The following ADGRF5 variants were observed in gnomAD, a reference collection of about 807,000 sequenced individuals.
ADGRF5 encodes the protein adhesion G protein-coupled receptor F5.
Under a neutral mutation model 132.3 loss-of-function variants are expected in ADGRF5, and 75 were observed. The ratio of observed to expected loss-of-function variants is 0.57; its 90% confidence interval spans 0.47 to 0.69. The LOEUF (loss-of-function observed/expected upper bound fraction) is 0.69. ADGRF5 is among the 30% of genes least tolerant of loss of function. ADGRF5 has a pLI of 0.00. For synonymous variants in ADGRF5, 629 were observed against 597.6 expected (o/e 1.05, Z -0.77); for missense variants, 1,516 against 1,630.6 (o/e 0.93, Z 1.21).
At chr6:46,938,694 G>T (rs749404253) in intron 1 of ADGRF5, among the ~76,000 whole-genome samples, 1 of 152,028 alleles carries the variant, frequency 6.6e-6, no homozygotes, top group Non-Finnish European at 1.5e-5. Flanking sequence ...GAGTTCCCCC[G>T]CCTAGAGTCT....
At chr6:46,911,153 T>G (rs959379427) in intron 1 of ADGRF5, among the ~76,000 whole-genome samples, 1 of 152,226 alleles carries the variant, frequency 6.6e-6, no homozygotes. Flanking sequence ...TTTCCTGAAG[T>G]ACTCTTCACA....
chr6:46,877,306 T>TCCTTCC (rs369575219), intron 10 of ADGRF5, among the ~76,000 whole-genome samples: 958 of 76,974 alleles, frequency 0.012, 23 homozygotes, highest in Admixed American at 0.016. Context: ...TCTCTCTCTC[T>TCCTTCC]TTCCTTCCTT....
intron 1 of ADGRF5, among the ~76,000 whole-genome samples, chr6:46,907,650 C>G (rs919983436): frequency 6.6e-6 from 1 of 152,034 alleles, no homozygotes; most frequent in Non-Finnish European, 1.5e-5. Context: ...GTCTAGGGAC[C>G]AAGACAATCT....
In ADGRF5 at chr6:46,897,149, C is replaced by T. The variant is rs568228293; in HGVS notation, c.157+2880G>A. The stretch of plus-strand genomic sequence containing the variant: ...AGACATATGCATGCATATATATACA[C>T]ACACACACACACACACACACACACA... On this transcript the variant is annotated intron_variant, in intron 3 of 20. Transcript: ENST00000283296. Among the ~76,000 whole-genome samples, 1,389 of 144,540 alleles carry T rather than the reference C, an allele frequency of 9.6e-3. 11 individuals are homozygous for T. Among genetic ancestry groups the T allele is most frequent in the South Asian group, 0.031 (141 of 4,566 alleles). The allele number at this position is 144,540 out of a possible 152,430, so 94.8% of individuals were successfully genotyped here.
In ADGRF5 at chr6:46,867,150, C is replaced by T. The variant is rs187721473; in HGVS notation, c.1622-13G>A. 9.4e-4 allele frequency: 1,324 copies of T among 1,414,612 alleles called. 4 individuals are homozygous for T. The highest frequency in any genetic ancestry group is 5.9e-3 in the South Asian group (500 of 85,100). The allele number at this position is 1,414,612 out of a possible 1,614,324, so 87.6% of individuals were successfully genotyped here. A position where few individuals can be genotyped will look rare whatever the true frequency, so the allele number is the denominator to read the frequency against. On this transcript the variant is annotated splice_polypyrimidine_tract_variant and intron_variant, in intron 12 of 20. Transcript: ENST00000283296. ...CAGTGATAGGTTCCTGAGTAGAAGA[C>T]GGCAAAAATGAGATGGAATGGAAAT... is the stretch of plus-strand genomic sequence containing the variant.
rs756042175 is a variant in ADGRF5, at chr6:46,906,748, C to A, written c.15G>T (p.Arg5Ser). The change falls in exon 2 of 21, where the codon AGG becomes AGT. Residue 5 changes from arginine to serine, a missense_variant. Transcript: ENST00000283296. MKSP[R>S]RTTLCLMFIV... Reference sequence around the variant, plus strand: ...TAAACATGAGGCACAAAGTGGTTCTCCTTGGGGATTTCATGTCTTCAAGTT... The same window carrying A: ...TAAACATGAGGCACAAAGTGGTTCTACTTGGGGATTTCATGTCTTCAAGTT... The A allele has an allele frequency of 6.3e-7, 1 of 1,595,476 alleles. No homozygotes were observed. Among genetic ancestry groups the A allele is most frequent in the South Asian group, 1.1e-5 (1 of 90,652 alleles).
At chr6:46,911,878 A>T (rs549139913) in intron 1 of ADGRF5, among the ~76,000 whole-genome samples, 1 of 152,300 alleles carries the variant, frequency 6.6e-6, no homozygotes, top group Non-Finnish European at 1.5e-5. Context: ...GAACATTATT[A>T]AAGAATAAAT....
intron 20 of ADGRF5, among the ~76,000 whole-genome samples, chr6:46,854,272 G>A (rs1236367647): frequency 1.3e-5 from 2 of 152,152 alleles, no homozygotes; most frequent in East Asian, 1.9e-4. Context: ...TCATGCATGC[G>A]TGGCAGCCAA....
chr6:46,894,527 G>A (rs1317659986), intron 3 of ADGRF5, among the ~76,000 whole-genome samples: 1 of 152,114 alleles, frequency 6.6e-6, no homozygotes, highest in East Asian at 1.9e-4. Context: ...AGATATACCA[G>A]TCTTCCTTAC....
At position 46,876,630 on chromosome 6, in the gene ADGRF5, G is replaced by A. The variant is rs111527886; in HGVS notation, c.1240+1572C>T. On this transcript the variant is annotated intron_variant, in intron 10 of 20. Coordinates refer to ENST00000283296, the MANE Select transcript of ADGRF5 (RefSeq NM_001098518.2). ...TGTTGTTGTTGTTGTTTGAGACAGAGTCTCACTCTGTCACCCAGGCTGTAG... is the reference window on the plus strand; with the variant it reads ...TGTTGTTGTTGTTGTTTGAGACAGAATCTCACTCTGTCACCCAGGCTGTAG... 1.7e-3 allele frequency among the ~76,000 whole-genome samples: 254 copies of A among 152,280 alleles called. 1 individual carries two copies. Among genetic ancestry groups the A allele is most frequent in the African/African-American group, 5.8e-3 (240 of 41,558 alleles).
rs756301019 is a variant in ADGRF5, at chr6:46,856,859, G to T, written c.3816+8C>A. 1.2e-5 allele frequency: 19 copies of T among 1,608,906 alleles called. No homozygotes were observed. The South Asian group carries it at 2.0e-4, about 17-fold the overall frequency. ...TTTCTAGAAACATGAAACTGTCATT[G>T]CTCTTACCTTCAGATCCCAGAGGCA... is the stretch of plus-strand genomic sequence containing the variant. On this transcript the variant is annotated splice_region_variant and intron_variant, in intron 18 of 20. Coordinates refer to ENST00000283296, the MANE Select transcript of ADGRF5 (RefSeq NM_001098518.2).
chr6:46,883,340 C>T (rs1051902817), intron 6 of ADGRF5, among the ~76,000 whole-genome samples: 3 of 152,068 alleles, frequency 2.0e-5, no homozygotes, highest in African/African-American at 7.2e-5. Context: ...CCAGTTCCAC[C>T]CTGAGAAAAA....
rs764388581 is a variant in ADGRF5, at chr6:46,853,569, TTTCCTTCCTTTC to T, written c.*411_*422del. 5.8e-5 allele frequency: 9 copies of T among 153,852 alleles called. No individual in the cohort carries two copies. The highest frequency in any genetic ancestry group is 1.9e-4 in the East Asian group (1 of 5,216). 9.5% of individuals were successfully genotyped at this position (153,852 alleles called of 1,614,324 possible). A position where few individuals can be genotyped will look rare whatever the true frequency, so the allele number is the denominator to read the frequency against. On this transcript the variant is annotated 3_prime_UTR_variant, in exon 21 of 21. Coordinates refer to ENST00000283296, the MANE Select transcript of ADGRF5 (RefSeq NM_001098518.2). ...CCTTTCTCCCTGTTTCCCTCCCTTC[TTTCCTTCCTTTC>T]TTCCTTCCTTCCTTCTTAGAATTCA...
intron 1 of ADGRF5, among the ~76,000 whole-genome samples, chr6:46,936,567 C>A (rs1230159229): frequency 6.6e-6 from 1 of 151,840 alleles, no homozygotes; most frequent in Non-Finnish European, 1.5e-5. Context: ...GCATTCATTC[C>A]ATCATCAAAC....
Position 46,920,500 on chromosome 6 carries a change from C to T in ADGRF5, c.-25+1213G>A, listed in dbSNP as rs139596446. 1.7e-3 allele frequency among the ~76,000 whole-genome samples: 201 copies of T among 119,822 alleles called. 1 individual carries two copies. The highest frequency in any genetic ancestry group is 6.7e-3 in the African/African-American group (194 of 29,068). The allele number at this position is 119,822 out of a possible 152,430, so 78.6% of individuals were successfully genotyped here. Reference sequence around the variant, plus strand: ...AAAATAAAGCCTTTAACTGGTAACACAGAAAACAATTGATAGAATAATATT... The same window carrying T: ...AAAATAAAGCCTTTAACTGGTAACATAGAAAACAATTGATAGAATAATATT... On this transcript the variant is annotated intron_variant, in intron 1 of 20. Coordinates refer to ENST00000283296, the MANE Select transcript of ADGRF5 (RefSeq NM_001098518.2).
In ADGRF5 at chr6:46,859,218, C is replaced by T. The variant is rs116032245; in HGVS notation, c.2685G>A (p.Ser895=). 4.4e-4 allele frequency: 705 copies of T among 1,614,080 alleles called. No homozygotes were observed. In the African/African-American group the frequency reaches 7.6e-3, roughly 17 times the overall value. ...TTGGGAAAGCCATGGTGACAATAGACGAATCCGACTGCAAGTTTTCTAGAT... is the reference window on the plus strand; with the variant it reads ...TTGGGAAAGCCATGGTGACAATAGATGAATCCGACTGCAAGTTTTCTAGAT... ...KSYLENLQSD[S]SIVTMAFPTL... is the part of the protein sequence containing the mutation. The change falls in exon 17 of 21, where the codon TCG becomes TCA. Residue 895 remains serine (S), a synonymous_variant. Coordinates refer to ENST00000283296, the MANE Select transcript of ADGRF5 (RefSeq NM_001098518.2).
intron 7 of ADGRF5, 22 bp from the exon 8 acceptor site, chr6:46,881,619 C>G (rs1402518202): frequency 2.5e-6 from 4 of 1,608,570 alleles, no homozygotes; most frequent in African/African-American, 1.3e-5. Context: ...CCACTCAGTT[C>G]AGTAAAACAA....
chr6:46,923,288 G>A (rs1777084889), upstream of ADGRF5, among the ~76,000 whole-genome samples: 3 of 152,136 alleles, frequency 2.0e-5, no homozygotes, highest in South Asian at 6.2e-4. Flanking sequence ...TATAGACTCT[G>A]CTGAAACTGA....
intron 12 of ADGRF5, 97 bp downstream of exon 12, chr6:46,868,786 A>C (rs1032194333): frequency 2.7e-6 from 2 of 729,454 alleles, no homozygotes; most frequent in African/African-American, 3.5e-5. Context: ...TGGTTGGCAT[A>C]GGCATGTCTC....
Sources: gnomAD v4.1 joint callset for allele counts (sites outside exome capture counted in the v4.1 genomes callset) on GRCh38, gnomAD v4.1.1 for gene constraint, MANE v1.5 for transcripts, NCBI Gene and HGNC (gene_info 2026-07-23, HGNC 2026-07-21) for gene names.